The following MTR variants were observed in gnomAD, a reference collection of about 807,000 sequenced individuals.
The protein encoded by MTR is methionine synthase.
MTR carries 84 observed loss-of-function variants against 154.8 expected under a neutral mutation model. That is an observed-to-expected ratio of 0.54 (90% CI 0.45 to 0.65). The LOEUF is 0.65. Ranked by LOEUF, MTR falls within the 30% of genes least tolerant of loss-of-function variation. The pLI, the probability that MTR is intolerant of heterozygous loss-of-function variation, is 0.00. For synonymous variants in MTR, 554 were observed against 553.9 expected (o/e 1.00, Z 0.00); for missense variants, 1,275 against 1,570.2 (o/e 0.81, Z 3.18).
chr1:236,836,609 G>A (rs958222723), intron 14 of MTR, among the ~76,000 whole-genome samples: 25 of 152,132 alleles, frequency 1.6e-4, no homozygotes, highest in African/African-American at 5.8e-4. Flanking sequence ...TTCAGGTTGA[G>A]CTCTTGGTTT....
chr1:236,882,456 T>C (rs1290978895), intron 25 of MTR, among the ~76,000 whole-genome samples: 1 of 151,470 alleles, frequency 6.6e-6, no homozygotes, highest in African/African-American at 2.4e-5. Context: ...AGTGGCTCGA[T>C]CTCGGCTTAC....
chr1:236,883,309 A>G (rs1274724174), intron 25 of MTR, among the ~76,000 whole-genome samples: 2 of 152,182 alleles, frequency 1.3e-5, no homozygotes, highest in African/African-American at 4.8e-5. Context: ...CATATTGACC[A>G]TGAACTTGTT....
In MTR at chr1:236,815,626, A is replaced by G. The variant is rs546918671; in HGVS notation, c.632A>G (p.Asn211Ser). The change falls in exon 7 of 33, where the codon AAT (asparagine) becomes AGT (serine). Residue 211 changes from asparagine (N) to serine (S), a missense_variant. Asn to Ser is a conservative substitution (Grantham distance 46, BLOSUM62 1). Coordinates refer to ENST00000366577, the MANE Select transcript of MTR (RefSeq NM_000254.3). Reference protein sequence around the residue: ...NAKAALFALQNLFEEKYAPRP... With the variant: ...NAKAALFALQSLFEEKYAPRP... ...CAGGCAGCCTTGTTTGCACTCCAAA[A>G]TCTTTTTGAGGAGAAATATGCTCCC... is the stretch of plus-strand genomic sequence containing the variant. 21 of 1,613,944 alleles carry G rather than the reference A, an allele frequency of 1.3e-5. No individual in the cohort carries two copies. In the South Asian group the frequency reaches 1.9e-4, roughly 14 times the overall value.
intron 13 of MTR, among the ~76,000 whole-genome samples, chr1:236,834,929 G>C (rs1662819120): frequency 6.6e-6 from 1 of 152,184 alleles, no homozygotes; most frequent in South Asian, 2.1e-4. Context: ...AAGCCTTCCA[G>C]TGTTATAAAA....
intron 15 of MTR, among the ~76,000 whole-genome samples, chr1:236,842,800 A>ATATATATAT (rs1553317631): frequency 2.0e-5 from 3 of 149,918 alleles, no homozygotes; most frequent in Non-Finnish European, 3.0e-5. Context: ...ATATATATAT[A>ATATATATAT]ATTGGCCAGG....
rs746067998 is a variant in MTR, at chr1:236,795,511, G to A, written c.-193G>A. 10 of 1,524,956 alleles carry A rather than the reference G, an allele frequency of 6.6e-6. No homozygotes were observed. Among genetic ancestry groups the A allele is most frequent in the Admixed American group, 2.0e-5 (1 of 50,590 alleles). 94.5% of individuals were successfully genotyped at this position (1,524,956 alleles called of 1,614,324 possible). A position where few individuals can be genotyped will look rare whatever the true frequency, so the allele number is the denominator to read the frequency against. Reference sequence around the variant, plus strand: ...GCAGTTGCCGCGCCCAGCCCCGAGAGAGGCCCTAGGGCGCTGCGGGCTTTC... The same window carrying A: ...GCAGTTGCCGCGCCCAGCCCCGAGAAAGGCCCTAGGGCGCTGCGGGCTTTC... On this transcript the variant is annotated 5_prime_UTR_variant, in exon 1 of 33. Coordinates refer to ENST00000366577, the MANE Select transcript of MTR (RefSeq NM_000254.3).
intron 15 of MTR, among the ~76,000 whole-genome samples, chr1:236,849,633 G>T (rs1035261430): frequency 6.6e-6 from 1 of 152,162 alleles, no homozygotes; most frequent in Non-Finnish European, 1.5e-5. Flanking sequence ...TAGAGGAGAG[G>T]GCAAATGGTA....
Position 236,831,987 on chromosome 1 carries a change from G to T in MTR, c.1097G>T (p.Gly366Val). Residue 366 changes from glycine to valine, a missense_variant, in exon 13 of 33, where the codon GGA becomes GTA. Physicochemically the swap from Gly to Val is moderately radical, Grantham distance 109. Coordinates refer to ENST00000366577, the MANE Select transcript of MTR (RefSeq NM_000254.3). ...LLSGLEPFRI[G>V]PYTNFVNIGE... is the part of the protein sequence containing the mutation. ...TAAGGTCTAGAGCCCTTCAGGATTG[G>T]ACCGTACACCAACTTTGTTAACATT... is the stretch of plus-strand genomic sequence containing the variant. The T allele has an allele frequency of 6.2e-7, 1 of 1,614,120 alleles. No homozygotes were observed. The highest frequency in any genetic ancestry group is 8.5e-7 in the Non-Finnish European group (1 of 1,179,996).
intron 22 of MTR, 139 bp downstream of exon 22, chr1:236,863,693 C>G: frequency 2.5e-6 from 2 of 801,998 alleles, no homozygotes; most frequent in Non-Finnish European, 4.2e-6. Flanking sequence ...TTTTTGCTTG[C>G]TGTGTTTTTG....
chr1:236,817,162 A>T (rs7546675), intron 8 of MTR, among the ~76,000 whole-genome samples: 2,764 of 152,220 alleles, frequency 0.018, 98 homozygotes, highest in African/African-American at 0.062. Flanking sequence ...TTCATATCCA[A>T]ATGTTTTAAA....
intron 24 of MTR, among the ~76,000 whole-genome samples, chr1:236,878,464 A>C (rs1269484515): frequency 6.6e-6 from 1 of 152,192 alleles, no homozygotes; most frequent in Non-Finnish European, 1.5e-5. Flanking sequence ...GCGTGAGTAG[A>C]ACTGGAACTG....
chr1:236,796,983 C>T (rs1660427408), intron 1 of MTR, among the ~76,000 whole-genome samples: 1 of 151,512 alleles, frequency 6.6e-6, no homozygotes, highest in Admixed American at 6.6e-5. Flanking sequence ...CAAAATGCCA[C>T]TGAAGACTTA....
At chr1:236,816,797 T>G (rs970815334) in intron 8 of MTR, among the ~76,000 whole-genome samples, 1 of 152,238 alleles carries the variant, frequency 6.6e-6, no homozygotes, top group Non-Finnish European at 1.5e-5. Flanking sequence ...GGCGTGCCCC[T>G]TATAGTTTGC....
intron 25 of MTR, 130 bp downstream of exon 25, chr1:236,880,966 C>G (rs1324412222): frequency 1.1e-6 from 1 of 910,674 alleles, no homozygotes; most frequent in Non-Finnish European, 1.8e-6. Flanking sequence ...GCCTGAGGCT[C>G]ATGGTGTGCC....
At chr1:236,883,482 A>G (rs868474271) in intron 25 of MTR, among the ~76,000 whole-genome samples, 19 of 152,202 alleles carry the variant, frequency 1.2e-4, no homozygotes, top group African/African-American at 3.9e-4. Flanking sequence ...GATGTCAAGG[A>G]CATCTGGTTT....
intron 24 of MTR, among the ~76,000 whole-genome samples, chr1:236,877,580 G>A (rs1473621147): frequency 1.3e-5 from 2 of 151,860 alleles, no homozygotes; most frequent in African/African-American, 4.8e-5. Flanking sequence ...GTTTTTTGTT[G>A]GTTTTTTTTC....
chr1:236,832,296 T>C (rs974242154), intron 13 of MTR, among the ~76,000 whole-genome samples: 2 of 152,190 alleles, frequency 1.3e-5, no homozygotes, highest in Admixed American at 1.3e-4. Context: ...AAGTACTGCA[T>C]TTGGTGTATG....
intron 11 of MTR, 151 bp from the exon 12 acceptor site, chr1:236,829,038 T>G: frequency 1.6e-6 from 1 of 643,214 alleles, no homozygotes; most frequent in Non-Finnish European, 2.7e-6. Flanking sequence ...AAGGCATGAT[T>G]GTTGCTGCAC....
chr1:236,840,132 T>C (rs1415068157), intron 15 of MTR, among the ~76,000 whole-genome samples: 1 of 152,220 alleles, frequency 6.6e-6, no homozygotes, highest in Admixed American at 6.5e-5. Flanking sequence ...AAATTGTTTT[T>C]AAATGCATTT....
Sources: gnomAD v4.1 joint callset for allele counts (sites outside exome capture counted in the v4.1 genomes callset) on GRCh38, gnomAD v4.1.1 for gene constraint, MANE v1.5 for transcripts, NCBI Gene and HGNC (gene_info 2026-07-23, HGNC 2026-07-21) for gene names.